The following VEPH1 variants were observed in gnomAD, a reference collection of about 807,000 sequenced individuals.
The protein encoded by VEPH1 is ventricular zone-expressed PH domain-containing protein homolog 1.
A neutral mutation model predicts 85.2 loss-of-function variants in VEPH1; 80 were observed. That is an observed-to-expected ratio of 0.94 (90% confidence interval 0.78 to 1.13). VEPH1 has a LOEUF of 1.13. Among genes scored for constraint, VEPH1 ranks in the 50% most tolerant of loss-of-function variants. VEPH1 has a pLI of 0.00. For missense variants in VEPH1, 955 were observed against 980.5 expected, an observed-to-expected ratio of 0.97 and a Z score of 0.35; for synonymous variants, 297 against 348.0, an observed-to-expected ratio of 0.85 and a Z score of 1.63.
intron 6 of VEPH1, among the ~76,000 whole-genome samples, chr3:157,407,628 A>G (rs73020286): frequency 0.018 from 2,677 of 152,234 alleles, 88 homozygotes; most frequent in African/African-American, 0.062. Context: ...GGTCCCACAT[A>G]TGCCTACCCA....
intron 4 of VEPH1, among the ~76,000 whole-genome samples, chr3:157,444,774 C>A (rs1734414600): frequency 6.6e-6 from 1 of 152,090 alleles, no homozygotes; most frequent in Non-Finnish European, 1.5e-5. Context: ...TATAAGAAAA[C>A]TTTTAATTTT....
chr3:157,449,612 C>T (rs558632123), intron 4 of VEPH1, among the ~76,000 whole-genome samples: 1 of 152,226 alleles, frequency 6.6e-6, no homozygotes, highest in Admixed American at 6.5e-5. Context: ...CTGCCTCTTC[C>T]TCTCCCCCAA....
chr3:157,364,546 G>T (rs764128074), intron 7 of VEPH1, 34 bp from the exon 8 acceptor site: 1 of 1,579,400 alleles, frequency 6.3e-7, no homozygotes, highest in Non-Finnish European at 8.7e-7. Context: ...TTAGATGCAG[G>T]TCATATATAC....
chr3:157,363,348 A>C lies in VEPH1; in HGVS notation c.1735+16T>G, dbSNP rs749132038. On this transcript the variant is annotated intron_variant, in intron 9 of 13. Transcript: ENST00000362010. ...CTCCTGAAGTTTCTCAGGTTTGGGA[A>C]GTACACAACACTTACCTTCAATGGT... 1.9e-6 allele frequency: 3 copies of C among 1,553,508 alleles called. No individual in the cohort carries two copies. Among genetic ancestry groups the C allele is most frequent in the Admixed American group, 2.1e-5 (1 of 47,760 alleles).
intron 6 of VEPH1, among the ~76,000 whole-genome samples, chr3:157,398,388 C>T (rs904946754): frequency 4.6e-5 from 7 of 152,184 alleles, no homozygotes; most frequent in Non-Finnish European, 8.8e-5. Flanking sequence ...GTAATCCCAG[C>T]ACTTTGGGAG....
At chr3:157,299,597 C>T (rs1463937205) in intron 11 of VEPH1, among the ~76,000 whole-genome samples, 1 of 148,382 alleles carries the variant, frequency 6.7e-6, no homozygotes, top group African/African-American at 2.5e-5. Flanking sequence ...AAGAAAGAAA[C>T]CTTTATCATG....
At chr3:157,447,612 T>G (rs1734648945) in intron 4 of VEPH1, among the ~76,000 whole-genome samples, 1 of 145,182 alleles carries the variant, frequency 6.9e-6, no homozygotes, top group Non-Finnish European at 1.5e-5. Context: ...TTTTTTTTTT[T>G]GAAATGGAGT....
At chr3:157,424,141 C>A (rs756745505) in intron 5 of VEPH1, among the ~76,000 whole-genome samples, 1 of 152,178 alleles carries the variant, frequency 6.6e-6, no homozygotes, top group African/African-American at 2.4e-5. Context: ...TTCCCCCAAA[C>A]TGTTCTCATG....
At chr3:157,385,289 T>C (rs1729180070) in intron 6 of VEPH1, among the ~76,000 whole-genome samples, 1 of 151,874 alleles carries the variant, frequency 6.6e-6, no homozygotes, top group African/African-American at 2.4e-5. Context: ...ATCTCATTCA[T>C]CATCAGAGTT....
At chr3:157,325,671 G>T (rs1049318514) in intron 9 of VEPH1, among the ~76,000 whole-genome samples, 1 of 151,956 alleles carries the variant, frequency 6.6e-6, no homozygotes, top group Admixed American at 6.6e-5. Flanking sequence ...CTTATTTCTG[G>T]GTTCTTTATT....
At chr3:157,446,065 A>G (rs2109271234) in intron 4 of VEPH1, among the ~76,000 whole-genome samples, 1 of 152,330 alleles carries the variant, frequency 6.6e-6, no homozygotes, top group Non-Finnish European at 1.5e-5. Flanking sequence ...ACATTGTCAC[A>G]CATTTTCATT....
At chr3:157,416,876 C>G (rs866380594) in intron 5 of VEPH1, among the ~76,000 whole-genome samples, 1 of 148,128 alleles carries the variant, frequency 6.8e-6, no homozygotes, top group East Asian at 2.0e-4. Context: ...GAAAGACAGA[C>G]AGACAGAAAG....
intron 9 of VEPH1, among the ~76,000 whole-genome samples, chr3:157,327,318 G>T (rs1461813620): frequency 6.6e-6 from 1 of 152,150 alleles, no homozygotes; most frequent in Admixed American, 6.6e-5. Context: ...CCAAAGGAAA[G>T]ATTGTCTCCT....
chr3:157,325,457 G>A (rs1037211628), intron 9 of VEPH1, among the ~76,000 whole-genome samples: 1 of 152,042 alleles, frequency 6.6e-6, no homozygotes, highest in Admixed American at 6.6e-5. Context: ...TTCTTCTCGG[G>A]TTTTGATAGT....
At chr3:157,386,706 G>A (rs959426433) in intron 6 of VEPH1, among the ~76,000 whole-genome samples, 2 of 152,200 alleles carry the variant, frequency 1.3e-5, no homozygotes, top group African/African-American at 4.8e-5. Context: ...GAGAAACACT[G>A]ACTTAGGAGA....
At chr3:157,394,640 G>A (rs1730193042) in intron 6 of VEPH1, among the ~76,000 whole-genome samples, 1 of 152,206 alleles carries the variant, frequency 6.6e-6, no homozygotes, top group African/African-American at 2.4e-5. Context: ...GGCAAAGCAG[G>A]AGTAGGCAGA....
intron 6 of VEPH1, among the ~76,000 whole-genome samples, chr3:157,402,468 G>A: frequency 6.6e-6 from 1 of 152,160 alleles, no homozygotes; most frequent in East Asian, 1.9e-4. Context: ...AGAAGGAAGA[G>A]CTGGAGAGAA....
intron 11 of VEPH1, among the ~76,000 whole-genome samples, chr3:157,303,207 G>T (rs141683202): frequency 3.6e-4 from 54 of 151,958 alleles, no homozygotes; most frequent in Non-Finnish European, 5.9e-4. Context: ...TGTTCTCATT[G>T]CCAGGAAAAC....
intron 5 of VEPH1, among the ~76,000 whole-genome samples, chr3:157,418,278 G>C (rs1732071076): frequency 6.6e-6 from 1 of 152,082 alleles, no homozygotes; most frequent in South Asian, 2.1e-4. Context: ...GGTTTTTCCT[G>C]AATAGAGTTA....
Sources: allele counts gnomAD v4.1 joint callset (sites outside exome capture counted in the v4.1 genomes callset), GRCh38; gene constraint gnomAD v4.1.1; transcripts MANE v1.5; gene names NCBI Gene and HGNC (gene_info 2026-07-23, HGNC 2026-07-21).